Variants in PDZK1IP1 observed in about 807,000 individuals in gnomAD.
PDZK1IP1 encodes PDZK1 interacting protein 1.
PDZK1IP1 carries 9 observed loss-of-function variants against 14.7 expected under a neutral mutation model. The ratio of observed to expected loss-of-function variants is 0.61; its 90% CI spans 0.37 to 1.07. PDZK1IP1 has a LOEUF of 1.07. Ranked by LOEUF, PDZK1IP1 falls within the 50% of genes least tolerant of loss-of-function variation. The pLI is 0.01. For synonymous variants in PDZK1IP1, 70 were observed against 61.2 expected (o/e 1.14, Z -0.67); for missense variants, 152 against 148.7 (o/e 1.02, Z -0.11).
In PDZK1IP1 at chr1:47,189,927, C is replaced by T. The variant is rs11801079; in HGVS notation, c.6G>A (p.Ser2=). Residue 2 remains serine (S), a synonymous_variant, in exon 1 of 4, where the codon TCG becomes TCA. Coordinates refer to ENST00000294338, the MANE Select transcript of PDZK1IP1 (RefSeq NM_005764.4). Reference sequence around the variant, plus strand: ...GGCCCAGAATGAGGAGGCTGAGGGCCGACATGGCTGCAGCAGCTCCTAGCC... The same window carrying T: ...GGCCCAGAATGAGGAGGCTGAGGGCTGACATGGCTGCAGCAGCTCCTAGCC... The part of the protein sequence containing the change: M[S]ALSLLILGLL... 0.048 allele frequency: 76,879 copies of T among 1,591,076 alleles called. 4,873 individuals are homozygous for T. Among genetic ancestry groups the T allele is most frequent in the African/African-American group, 0.31 (23,044 of 74,404 alleles).
At chr1:47,185,769 A>G (rs1213045845) in intron 2 of PDZK1IP1, among the ~76,000 whole-genome samples, 4 of 151,942 alleles carry the variant, frequency 2.6e-5, no homozygotes, top group Non-Finnish European at 2.9e-5. Context: ...CCTCCCCTCG[A>G]GTCCGCTGCT....
chr1:47,189,802 G>C (rs77370325), intron 1 of PDZK1IP1, 64 bp downstream of exon 1: 5 of 1,281,874 alleles, frequency 3.9e-6, no homozygotes, highest in African/African-American at 3.0e-5. Flanking sequence ...CCTGGGGAGG[G>C]GAGCCAGAAC....
chr1:47,184,200 G>C (rs564051793), intron 3 of PDZK1IP1, among the ~76,000 whole-genome samples, 157 bp from the exon 4 acceptor site: 39 of 151,800 alleles, frequency 2.6e-4, no homozygotes, highest in African/African-American at 8.2e-4. Context: ...TTATGCATCC[G>C]AGACTGGAGG....
intron 1 of PDZK1IP1, 21 bp from the exon 2 acceptor site, chr1:47,187,448 G>A (rs376997785): frequency 7.6e-6 from 12 of 1,584,598 alleles, no homozygotes; most frequent in Middle Eastern, 1.7e-4. Context: ...GAGAGGGGCT[G>A]TAGCAGACGG....
At chr1:47,187,485 A>G (rs949380644) in intron 1 of PDZK1IP1, 58 bp from the exon 2 acceptor site, 2 of 1,374,582 alleles carry the variant, frequency 1.5e-6, no homozygotes, top group Non-Finnish European at 2.1e-6. Context: ...CATGTGCAGG[A>G]GAGCGAGGGG....
chr1:47,184,554 C>T (rs1367035115), intron 3 of PDZK1IP1, among the ~76,000 whole-genome samples: 3 of 128,678 alleles, frequency 2.3e-5, no homozygotes, highest in East Asian at 2.5e-4. Flanking sequence ...GAGCTCCATC[C>T]CCCACTGAGT....
intron 2 of PDZK1IP1, among the ~76,000 whole-genome samples, chr1:47,187,048 G>C (rs554814585): frequency 1.3e-5 from 2 of 152,154 alleles, no homozygotes; most frequent in South Asian, 4.1e-4. Flanking sequence ...TCCAAGAAGC[G>C]AAGCCGTTTC....
intron 3 of PDZK1IP1, among the ~76,000 whole-genome samples, chr1:47,184,600 C>T (rs78804440): frequency 1.8e-3 from 8 of 4,560 alleles, no homozygotes; most frequent in Non-Finnish European, 2.5e-3. Context: ...ACTGAGTCCA[C>T]ACCCCAGTGA....
At chr1:47,186,756 G>A (rs571236774) in intron 2 of PDZK1IP1, among the ~76,000 whole-genome samples, 36 of 152,298 alleles carry the variant, frequency 2.4e-4, no homozygotes, top group South Asian at 8.3e-4. Context: ...ACTCCTCCTC[G>A]TTAGTCAGGT....
intron 2 of PDZK1IP1, 125 bp downstream of exon 2, chr1:47,187,194 C>T: frequency 1.9e-6 from 1 of 532,280 alleles, no homozygotes; most frequent in Non-Finnish European, 3.4e-6. Context: ...CTCAGTTTCC[C>T]TTCCCTTGAG....
chr1:47,183,819 C>T lies in PDZK1IP1; in HGVS notation c.*152G>A. On this transcript the variant is annotated 3_prime_UTR_variant, in exon 4 of 4. Transcript: ENST00000294338. The stretch of plus-strand genomic sequence containing the variant: ...CGGTCTGAGCTCCAACCTTGGCTGG[C>T]TATACTTCAAGGGCGGGTAGGGCCG... 1.5e-6 allele frequency: 1 copy of T among 685,142 alleles called. No homozygotes were observed. The highest frequency in any genetic ancestry group is 2.6e-6 in the Non-Finnish European group (1 of 390,586). 42.4% of individuals were successfully genotyped at this position (685,142 alleles called of 1,614,324 possible).
rs529047330 is a variant in PDZK1IP1 at position 47,183,977 on chromosome 1, C to T, written c.339G>A (p.Pro113=). The T allele has an allele frequency of 4.1e-5, 65 of 1,595,272 alleles. No individual in the cohort carries two copies. In the South Asian group the frequency reaches 5.1e-4, roughly 13 times the overall value. The part of the protein sequence containing the change: ...PEEEGKVRST[P]M ...GTTGGAGCCACAGAGAAGGTTACAT[C>T]GGGGTGCTGCGGACCTTGCCTTCCT... The change falls in exon 4 of 4, where the codon CCG becomes CCA. Residue 113 remains proline (P), a synonymous_variant. Transcript: ENST00000294338.
In PDZK1IP1 at chr1:47,187,316, C is replaced by T. The variant is rs201358886; in HGVS notation, c.176+3G>A. 1.2e-6 allele frequency: 2 copies of T among 1,610,230 alleles called. No individual in the cohort carries two copies. The highest frequency in any genetic ancestry group is 1.7e-6 in the Non-Finnish European group (2 of 1,177,776). ...TGCTCAGGGACCCTTGGGCAGCACT[C>T]ACGGCTCCTCCTGGCACCAGAAGTG... is the stretch of plus-strand genomic sequence containing the variant. On this transcript the variant is annotated splice_donor_region_variant and intron_variant, in intron 2 of 3. Coordinates refer to ENST00000294338, the MANE Select transcript of PDZK1IP1 (RefSeq NM_005764.4).
Position 47,184,003 on chromosome 1 carries a change from C to T in PDZK1IP1, c.313G>A (p.Glu105Lys), listed in dbSNP as rs768148219. 1.9e-6 allele frequency: 3 copies of T among 1,598,920 alleles called. No individual in the cohort carries two copies. Among genetic ancestry groups the T allele is most frequent in the Non-Finnish European group, 2.6e-6 (3 of 1,171,982 alleles). ...GGGGTGCTGCGGACCTTGCCTTCCT[C>T]CTCGGGCACATTCTCATAGGCATTC... ...HENAYENVPE[E>K]EGKVRSTPM Residue 105 changes from glutamate (E) to lysine (K), a missense_variant, in exon 4 of 4, where the codon GAG (glutamate) becomes AAG (lysine). Coordinates refer to ENST00000294338, the MANE Select transcript of PDZK1IP1 (RefSeq NM_005764.4).
chr1:47,188,757 G>A (rs1313692503), intron 1 of PDZK1IP1, among the ~76,000 whole-genome samples: 1 of 152,196 alleles, frequency 6.6e-6, no homozygotes, highest in East Asian at 1.9e-4. Flanking sequence ...ATCTCCAGGG[G>A]AAGCAGAAGA....
Position 47,183,590 on chromosome 1 carries a change from C to A in PDZK1IP1, c.*381G>T. 4.5e-6 allele frequency: 1 copy of A among 220,066 alleles called. No homozygotes were observed. The highest frequency in any genetic ancestry group is 9.0e-6 in the Non-Finnish European group (1 of 110,536). 13.6% of individuals were successfully genotyped at this position (220,066 alleles called of 1,614,324 possible). ...TGATTCAGAAAGCAAGATGGGGACT[C>A]ACTGGAAGCCTGAGGGGCTGTTGCT... On this transcript the variant is annotated 3_prime_UTR_variant, in exon 4 of 4. Coordinates refer to ENST00000294338, the MANE Select transcript of PDZK1IP1 (RefSeq NM_005764.4).
At chr1:47,189,370 A>AG (rs1468266306) in intron 1 of PDZK1IP1, among the ~76,000 whole-genome samples, 1 of 152,204 alleles carries the variant, frequency 6.6e-6, no homozygotes, top group Non-Finnish European at 1.5e-5. Context: ...CTCATTTTAT[A>AG]GGTGAGAAAA....
At chr1:47,189,735 G>A in intron 1 of PDZK1IP1, 131 bp downstream of exon 1, 1 of 609,414 alleles carries the variant, frequency 1.6e-6, no homozygotes, top group Non-Finnish European at 2.7e-6. Flanking sequence ...TCTGCCTTGG[G>A]ACATTCTTTC....
At chr1:47,184,529 GC>G (rs1327726093) in intron 3 of PDZK1IP1, among the ~76,000 whole-genome samples, 6 of 2,396 alleles carry the variant, frequency 2.5e-3, no homozygotes, top group African/African-American at 8.5e-3. Context: ...CCCCCACTGA[GC>G]TCCATCCCCC....
Sources: allele counts gnomAD v4.1 joint callset (sites outside exome capture counted in the v4.1 genomes callset), GRCh38; gene constraint gnomAD v4.1.1; transcripts MANE v1.5; gene names NCBI Gene and HGNC (gene_info 2026-07-23, HGNC 2026-07-21).